Variants in CCSER1 observed in about 807,000 individuals in gnomAD.
The protein encoded by CCSER1 is serine-rich coiled-coil domain-containing protein 1.
In CCSER1, 41 loss-of-function variants were observed where a neutral mutation model predicts 82.0. That is an observed-to-expected ratio of 0.50 (90% confidence interval 0.39 to 0.65). The LOEUF (loss-of-function observed/expected upper bound fraction) is 0.65, where lower values mean the gene tolerates loss of function less well. Among genes scored for constraint, CCSER1 ranks in the 30% least tolerant of loss-of-function variants. The pLI is 0.00. For missense variants in CCSER1, 1,119 were observed against 1,064.2 expected (o/e 1.05, Z -0.72); for synonymous variants, 414 against 383.9 (o/e 1.08, Z -0.92).
At chr4:91,042,452 C>A (rs1742044796) in intron 9 of CCSER1, among the ~76,000 whole-genome samples, 1 of 152,086 alleles carries the variant, frequency 6.6e-6, no homozygotes, top group South Asian at 2.1e-4. Flanking sequence ...TGAAAACAGA[C>A]TAATATAGTT....
At chr4:90,413,466 G>A (rs886744321) in intron 4 of CCSER1, among the ~76,000 whole-genome samples, 1 of 151,948 alleles carries the variant, frequency 6.6e-6, no homozygotes, top group Non-Finnish European at 1.5e-5. Flanking sequence ...AATTCATATG[G>A]AACCATAAAA....
intron 10 of CCSER1, among the ~76,000 whole-genome samples, chr4:91,329,109 A>G (rs1746770994): frequency 6.6e-6 from 1 of 152,214 alleles, no homozygotes; most frequent in Non-Finnish European, 1.5e-5. Flanking sequence ...GCAGAATGAG[A>G]ACAGATTAAT....
chr4:91,060,048 A>C (rs980540451), intron 9 of CCSER1, among the ~76,000 whole-genome samples: 1 of 152,072 alleles, frequency 6.6e-6, no homozygotes, highest in South Asian at 2.1e-4. Flanking sequence ...GTCCTATAAC[A>C]AACTCCTTTT....
At chr4:90,918,364 T>C (rs893673222) in intron 8 of CCSER1, 9 of 418,238 alleles carry the variant, frequency 2.2e-5, no homozygotes, top group Non-Finnish European at 3.8e-5. Flanking sequence ...ATTGGACTGA[T>C]TTTTTGGGAT....
At chr4:91,583,116 T>C (rs1763811451) in intron 10 of CCSER1, among the ~76,000 whole-genome samples, 1 of 151,304 alleles carries the variant, frequency 6.6e-6, no homozygotes, top group African/African-American at 2.4e-5. Context: ...TTGTAAATAT[T>C]TGGAGTCAAG....
At chr4:91,010,112 G>A (rs924884552) in intron 9 of CCSER1, among the ~76,000 whole-genome samples, 3 of 152,054 alleles carry the variant, frequency 2.0e-5, no homozygotes, top group African/African-American at 7.2e-5. Context: ...ACCTTTGCTT[G>A]TCTGGGAGAA....
At chr4:91,098,343 A>G (rs566944229) in intron 10 of CCSER1, among the ~76,000 whole-genome samples, 3 of 152,204 alleles carry the variant, frequency 2.0e-5, no homozygotes, top group Non-Finnish European at 4.4e-5. Flanking sequence ...GATAAATTAT[A>G]TTCTGAATTT....
intron 8 of CCSER1, among the ~76,000 whole-genome samples, chr4:90,905,043 C>A (rs576110839): frequency 6.6e-6 from 1 of 152,170 alleles, no homozygotes; most frequent in South Asian, 2.1e-4. Flanking sequence ...TTTTGCTAAA[C>A]CTACCAATTA....
chr4:90,587,017 G>A (rs1017289706), intron 5 of CCSER1, among the ~76,000 whole-genome samples: 1 of 152,116 alleles, frequency 6.6e-6, no homozygotes, highest in Non-Finnish European at 1.5e-5. Flanking sequence ...AAAGTGAAAC[G>A]GGGGGAGGCA....
intron 9 of CCSER1, among the ~76,000 whole-genome samples, chr4:91,018,724 G>A (rs140220938): frequency 2.6e-5 from 4 of 151,958 alleles, no homozygotes; most frequent in African/African-American, 9.6e-5. Flanking sequence ...CCTTTCTCAT[G>A]CTGAACCCCC....
intron 7 of CCSER1, among the ~76,000 whole-genome samples, chr4:90,806,344 A>G (rs1413799802): frequency 6.6e-6 from 1 of 152,244 alleles, no homozygotes; most frequent in Non-Finnish European, 1.5e-5. Flanking sequence ...TTTCCTGGGA[A>G]TAAAATCTGA....
chr4:90,872,183 A>G (rs913806809), intron 8 of CCSER1, among the ~76,000 whole-genome samples: 7 of 151,678 alleles, frequency 4.6e-5, no homozygotes, highest in Admixed American at 6.6e-5. Context: ...TTAATAAGTA[A>G]TGATTTACTA....
At chr4:90,605,170 C>A (rs374282854) in intron 5 of CCSER1, among the ~76,000 whole-genome samples, 1 of 152,054 alleles carries the variant, frequency 6.6e-6, no homozygotes, top group African/African-American at 2.4e-5. Flanking sequence ...AAGAAACTCC[C>A]GATACGTTGG....
At chr4:91,299,964 C>CA (rs985347188) in intron 10 of CCSER1, among the ~76,000 whole-genome samples, 4 of 151,858 alleles carry the variant, frequency 2.6e-5, no homozygotes, top group South Asian at 2.1e-4. Context: ...GAAACACACA[C>CA]AAAAAAACAA....
At chr4:90,163,982 G>T (rs1309399343) in intron 1 of CCSER1, among the ~76,000 whole-genome samples, 1 of 152,094 alleles carries the variant, frequency 6.6e-6, no homozygotes, top group African/African-American at 2.4e-5. Context: ...GGCAAGTGTT[G>T]AATTTGGATG....
chr4:91,250,574 T>A (rs1274581653), intron 10 of CCSER1, among the ~76,000 whole-genome samples: 2 of 151,636 alleles, frequency 1.3e-5, no homozygotes, highest in African/African-American at 4.8e-5. Flanking sequence ...AATTAAAAAA[T>A]ATATATATAT....
intron 1 of CCSER1, among the ~76,000 whole-genome samples, chr4:90,187,182 A>AT (rs1025798095): frequency 1.6e-4 from 24 of 151,132 alleles, no homozygotes; most frequent in Admixed American, 8.0e-4. Context: ...ACCATGTTAG[A>AT]TTTTTTTTTC....
intron 10 of CCSER1, among the ~76,000 whole-genome samples, chr4:91,558,104 A>T (rs1762487251): frequency 8.3e-6 from 1 of 120,966 alleles, no homozygotes; most frequent in African/African-American, 3.3e-5. Flanking sequence ...ACCTTTTAAT[A>T]AAAAAAATAT....
At chr4:90,470,470 A>G (rs981374091) in intron 5 of CCSER1, among the ~76,000 whole-genome samples, 1 of 152,190 alleles carries the variant, frequency 6.6e-6, no homozygotes, top group Non-Finnish European at 1.5e-5. Flanking sequence ...GCCAAATGCT[A>G]ACTGGTTTCA....
Sources: gnomAD v4.1 joint callset for allele counts (sites outside exome capture counted in the v4.1 genomes callset) on GRCh38, gnomAD v4.1.1 for gene constraint, MANE v1.5 for transcripts, NCBI Gene and HGNC (gene_info 2026-07-23, HGNC 2026-07-21) for gene names.